BASP1: variants seen among roughly 807,000 people sequenced by gnomAD.
BASP1 encodes the protein brain abundant membrane attached signal protein 1, also known as brain acid soluble protein 1.
BASP1 carries 1 observed loss-of-function variant against 2.2 expected under a neutral mutation model. The ratio of observed to expected loss-of-function variants is 0.46; its 90% CI spans 0.16 to 2.17. The LOEUF (loss-of-function observed/expected upper bound fraction) is 2.17. Among genes scored for constraint, BASP1 ranks in the 30% most tolerant of loss-of-function variants. The probability of loss-of-function intolerance (pLI) is 0.27; values close to 1 mark genes in which losing one functional copy is unlikely to be tolerated. For missense variants in BASP1, 352 were observed against 327.2 expected, an observed-to-expected ratio of 1.08 and a Z score of -0.58; for synonymous variants, 187 against 154.2, an observed-to-expected ratio of 1.21 and a Z score of -1.58.
chr5:17,275,120 A>G lies in BASP1; in HGVS notation c.-9-88A>G. 1 of 1,298,060 alleles carries G rather than the reference A, an allele frequency of 7.7e-7. No homozygotes were observed. 80.4% of individuals were successfully genotyped at this position (1,298,060 alleles called of 1,614,324 possible). On this transcript the variant is annotated intron_variant, in intron 1 of 1. Coordinates refer to ENST00000322611, the MANE Select transcript of BASP1 (RefSeq NM_006317.5). The surrounding 1 kb of genome is among the most constrained non-coding windows in gnomAD (Gnocchi z 5.3). ...GGGGTGTGCAGTGCAGCAGGCCCAG[A>G]ACCCCTTGCTTTGCAAAATGCAGCT...
rs137885941 is a variant in BASP1, at chr5:17,250,856, G to A, written c.-9-24352G>A. 7.7e-4 allele frequency among the ~76,000 whole-genome samples: 117 copies of A among 152,194 alleles called. No homozygotes were observed. The East Asian group carries it at 0.02, about 26-fold the overall frequency. On this transcript the variant is annotated intron_variant, in intron 1 of 1. Coordinates refer to ENST00000322611, the MANE Select transcript of BASP1 (RefSeq NM_006317.5). ...ACTGACCTCGTGATCCGCCCGCCTC[G>A]GCCTCCCAAAGTGCTGGGATTACAG...
chr5:17,250,855 C>T (rs900523284), intron 1 of BASP1, among the ~76,000 whole-genome samples: 4 of 152,024 alleles, frequency 2.6e-5, no homozygotes, highest in African/African-American at 4.8e-5. Context: ...CCGCCCGCCT[C>T]GGCCTCCCAA....
Position 17,234,118 on chromosome 5 carries a change from G to A in BASP1, c.-10+16308G>A, listed in dbSNP as rs1247737893. 5.3e-5 allele frequency among the ~76,000 whole-genome samples: 8 copies of A among 152,284 alleles called. No homozygotes were observed. The East Asian group carries it at 1.2e-3, about 22-fold the overall frequency. ...TGCACTCCAGCCTGCACGACAGAGT[G>A]AGACTCAGTCTCAAAAACAAACAAA... On this transcript the variant is annotated intron_variant, in intron 1 of 1. Transcript: ENST00000322611.
At chr5:17,257,525 C>CTA (rs1448288625) in intron 1 of BASP1, among the ~76,000 whole-genome samples, 1 of 152,150 alleles carries the variant, frequency 6.6e-6, no homozygotes, top group African/African-American at 2.4e-5. Flanking sequence ...GTGAGCTGAA[C>CTA]TATATCCTTT....
chr5:17,221,769 AG>A (rs1739398264), intron 1 of BASP1, among the ~76,000 whole-genome samples: 1 of 152,150 alleles, frequency 6.6e-6, no homozygotes, highest in Non-Finnish European at 1.5e-5. Context: ...ACTATTAGGA[AG>A]GAACTGTGAG....
intron 1 of BASP1, among the ~76,000 whole-genome samples, chr5:17,268,176 G>C (rs1461468812): frequency 6.6e-6 from 1 of 152,178 alleles, no homozygotes; most frequent in Admixed American, 6.5e-5. Context: ...ATAGCACTTT[G>C]TTGACAGTGG....
intron 1 of BASP1, among the ~76,000 whole-genome samples, chr5:17,229,791 T>G (rs1483109716): frequency 6.6e-6 from 1 of 151,174 alleles, no homozygotes; most frequent in Non-Finnish European, 1.5e-5. Flanking sequence ...TGGGTTTTTT[T>G]TTTTTTTTTT....
At chr5:17,239,439 A>G (rs576012800) in intron 1 of BASP1, among the ~76,000 whole-genome samples, 4 of 152,284 alleles carry the variant, frequency 2.6e-5, no homozygotes, top group Non-Finnish European at 4.4e-5. Flanking sequence ...AATTCTCCCT[A>G]TTCACTACGG....
intron 1 of BASP1, among the ~76,000 whole-genome samples, chr5:17,225,861 G>A (rs1183567924): frequency 1.3e-5 from 2 of 152,178 alleles, no homozygotes; most frequent in African/African-American, 4.8e-5. Flanking sequence ...ATAGTATTTG[G>A]GGTGATTTAG....
chr5:17,222,276 T>C (rs1739406783), intron 1 of BASP1, among the ~76,000 whole-genome samples: 1 of 152,168 alleles, frequency 6.6e-6, no homozygotes, highest in Non-Finnish European at 1.5e-5. Context: ...GATTTCATGA[T>C]ATCAAGATGG....
At chr5:17,221,739 T>G (rs1434945980) in intron 1 of BASP1, among the ~76,000 whole-genome samples, 1 of 152,192 alleles carries the variant, frequency 6.6e-6, no homozygotes, top group East Asian at 1.9e-4. Context: ...CTTTTTTCTT[T>G]GGCTTAATTA....
chr5:17,235,315 C>T (rs542811901), intron 1 of BASP1, among the ~76,000 whole-genome samples: 2 of 150,474 alleles, frequency 1.3e-5, no homozygotes, highest in East Asian at 3.9e-4. Flanking sequence ...GGCTGGAGTG[C>T]AGTGGTGCGA....
chr5:17,242,934 A>C (rs933163810), intron 1 of BASP1, among the ~76,000 whole-genome samples: 6 of 151,944 alleles, frequency 3.9e-5, no homozygotes, highest in Non-Finnish European at 7.4e-5. Flanking sequence ...ACATGTCTTG[A>C]AATAAGTGAA....
At chr5:17,264,755 C>A (rs1740384413) in intron 1 of BASP1, among the ~76,000 whole-genome samples, 1 of 152,180 alleles carries the variant, frequency 6.6e-6, no homozygotes, top group South Asian at 2.1e-4. Context: ...AGACTTGGAG[C>A]CATCTTCTCC....
chr5:17,266,814 C>CAAAAAAAA (rs70943882), intron 1 of BASP1, among the ~76,000 whole-genome samples: 4 of 111,486 alleles, frequency 3.6e-5, no homozygotes, highest in African/African-American at 7.6e-5. Context: ...GATCCTGTCT[C>CAAAAAAAA]AAAAAAAAAA....
chr5:17,276,752 A>C lies in BASP1; in HGVS notation c.*852A>C. The C allele has an allele frequency of 6.0e-6, 1 of 165,518 alleles. No individual in the cohort carries two copies. 10.3% of individuals were successfully genotyped at this position (165,518 alleles called of 1,614,324 possible). ...GGAAAAAAAAAACAAAAAAAAAACA[A>C]AAAAATGTACAATGGATGCATTGAA... On this transcript the variant is annotated 3_prime_UTR_variant, in exon 2 of 2. Transcript: ENST00000322611.
intron 1 of BASP1, among the ~76,000 whole-genome samples, chr5:17,238,973 A>G (rs143723274): frequency 4.1e-4 from 62 of 152,364 alleles, no homozygotes; most frequent in Admixed American, 5.9e-4. Context: ...TGCTCATGTT[A>G]GCCCTGTAAG....
At chr5:17,274,385 C>T (rs1740586188) in intron 1 of BASP1, among the ~76,000 whole-genome samples, 1 of 152,132 alleles carries the variant, frequency 6.6e-6, no homozygotes, top group Non-Finnish European at 1.5e-5. Flanking sequence ...GATGTGTTTG[C>T]TGATATAACA....
intron 1 of BASP1, among the ~76,000 whole-genome samples, chr5:17,263,366 C>T (rs552245461): frequency 6.6e-6 from 1 of 151,750 alleles, no homozygotes; most frequent in South Asian, 2.1e-4. Flanking sequence ...AACTCCTGGG[C>T]TCAAGTGATC....
Sources: allele counts gnomAD v4.1 joint callset (sites outside exome capture counted in the v4.1 genomes callset), GRCh38; gene constraint gnomAD v4.1.1; non-coding constraint Gnocchi (gnomAD v3.1); transcripts MANE v1.5; gene names NCBI Gene and HGNC (gene_info 2026-07-23, HGNC 2026-07-21).